Variants in DDX42 observed in about 807,000 individuals in gnomAD.
The protein encoded by DDX42 is ATP-dependent RNA helicase DDX42.
A neutral mutation model predicts 101.5 loss-of-function variants in DDX42; 22 were observed. The observed-to-expected ratio is 0.22, with a 90% confidence interval of 0.15 to 0.31. DDX42 has a LOEUF of 0.31. DDX42 is among the 10% of genes least tolerant of loss of function. The pLI is 1.00. For missense variants in DDX42, 849 were observed against 1,199.9 expected (o/e 0.71, Z 4.32); for synonymous variants, 402 against 401.2 (o/e 1.00, Z -0.02).
rs2039896910 is a variant in DDX42 at position 63,810,496 on chromosome 17, T to C, written c.1253-17T>C. 1 of 1,613,280 alleles carries C rather than the reference T, an allele frequency of 6.2e-7. No homozygotes were observed. Among genetic ancestry groups the C allele is most frequent in the Admixed American group, 1.7e-5 (1 of 59,938 alleles). On this transcript the variant is annotated splice_polypyrimidine_tract_variant and intron_variant, in intron 11 of 17. Transcript: ENST00000389924. The stretch of plus-strand genomic sequence containing the variant: ...GTATTTCAGGTTATAATAATTTTAT[T>C]GTTCTGTTTCTTGCAGAGTACCAAG...
At chr17:63,811,904 A>T (rs777274500) in intron 13 of DDX42, 28 bp from the exon 14 acceptor site, 2 of 1,614,086 alleles carry the variant, frequency 1.2e-6, no homozygotes, top group Non-Finnish European at 1.7e-6. Context: ...CAATGTCACA[A>T]TCATCTGTTT....
At chr17:63,781,842 CTA>C (rs112074798) in intron 1 of DDX42, among the ~76,000 whole-genome samples, 42,161 of 151,446 alleles carry the variant, frequency 0.28, 6,178 homozygotes, top group Middle Eastern at 0.37. Flanking sequence ...AACCCCGTCT[CTA>C]CTAAAAATAC....
intron 2 of DDX42, among the ~76,000 whole-genome samples, chr17:63,791,447 G>T (rs1272319376): frequency 6.6e-6 from 1 of 152,080 alleles, no homozygotes; most frequent in African/African-American, 2.4e-5. Flanking sequence ...GAGTAGCTGG[G>T]ATTACGGGCA....
chr17:63,775,829 T>C (rs1015021612), intron 1 of DDX42, among the ~76,000 whole-genome samples: 55 of 152,226 alleles, frequency 3.6e-4, no homozygotes, highest in Non-Finnish European at 3.7e-4. Flanking sequence ...ATATCTGATT[T>C]ATATTGTAAC....
At chr17:63,809,128 T>C (rs1195868840) in intron 10 of DDX42, among the ~76,000 whole-genome samples, 180 bp downstream of exon 10, 2 of 152,234 alleles carry the variant, frequency 1.3e-5, no homozygotes, top group Admixed American at 1.3e-4. Flanking sequence ...TGAGAGTCTC[T>C]GTGACATATA....
At chr17:63,783,415 T>C (rs936589963) in intron 1 of DDX42, among the ~76,000 whole-genome samples, 1 of 152,216 alleles carries the variant, frequency 6.6e-6, no homozygotes, top group East Asian at 1.9e-4. Context: ...TTATACATTG[T>C]ATACACTAGG....
At position 63,787,080 on chromosome 17, in the gene DDX42, A is replaced by G. The variant is rs1229818192; in HGVS notation, c.31A>G (p.Lys11Glu). 6.2e-7 allele frequency: 1 copy of G among 1,614,092 alleles called. No individual in the cohort carries two copies. The highest frequency in any genetic ancestry group is 1.3e-5 in the African/African-American group (1 of 74,934). Residue 11 changes from lysine to glutamate, a missense_variant, in exon 2 of 18, where the codon AAG (lysine) becomes GAG (glutamate). Physicochemically the swap from Lys to Glu is moderately conservative, Grantham distance 56. This residue lies in a region of DDX42 where 92 missense variants were observed against 106.7 expected (regional missense o/e 0.86). Transcript: ENST00000389924. MNWNKGGPGT[K>E]RGFGFGGFAI... is the part of the protein sequence containing the mutation. ...CTGGAATAAAGGTGGTCCTGGCACTAAGCGAGGATTTGGCTTTGGAGGTTT... is the reference window on the plus strand; with the variant it reads ...CTGGAATAAAGGTGGTCCTGGCACTGAGCGAGGATTTGGCTTTGGAGGTTT...
chr17:63,781,089 CCT>C (rs1160075472), intron 1 of DDX42, among the ~76,000 whole-genome samples: 1 of 152,180 alleles, frequency 6.6e-6, no homozygotes, highest in African/African-American at 2.4e-5. Flanking sequence ...ACTCTTGACT[CCT>C]CTTGACCTAG....
chr17:63,800,662 C>G (rs1244082624), intron 6 of DDX42, 45 bp downstream of exon 6: 1 of 1,594,784 alleles, frequency 6.3e-7, no homozygotes, highest in Non-Finnish European at 8.6e-7. Flanking sequence ...CAAGCTGATG[C>G]TTTACTTCAG....
Position 63,787,223 on chromosome 17 carries a change from T to C in DDX42, c.174T>C (p.Ser58=). ...AGTCAGCTCCACCACAGCTTCCTTC[T>C]TTCTACAAAATTGGATCTAAGCGGG... ...FGKSAPPQLP[S]FYKIGSKRAN... Residue 58 remains serine, a synonymous_variant, in exon 2 of 18, where the codon TCT becomes TCC. Coordinates refer to ENST00000389924, the MANE Select transcript of DDX42 (RefSeq NM_203499.3). 1.2e-6 allele frequency: 2 copies of C among 1,614,228 alleles called. No individual in the cohort carries two copies. The highest frequency in any genetic ancestry group is 1.7e-6 in the Non-Finnish European group (2 of 1,180,030).
At chr17:63,809,707 GT>G (rs750899527) in intron 11 of DDX42, 48 bp downstream of exon 11, 15 of 1,484,664 alleles carry the variant, frequency 1.0e-5, no homozygotes, top group African/African-American at 7.0e-5. Flanking sequence ...CATGATACTA[GT>G]TTTTTTTCCA....
chr17:63,799,530 A>G (rs1419049766), intron 4 of DDX42, 59 bp from the exon 5 acceptor site: 6 of 1,595,926 alleles, frequency 3.8e-6, no homozygotes, highest in African/African-American at 1.3e-5. Flanking sequence ...TGCTGTAAGT[A>G]TGGAGCTGGG....
At chr17:63,815,258 G>T (rs966627042) in intron 15 of DDX42, among the ~76,000 whole-genome samples, 1 of 152,006 alleles carries the variant, frequency 6.6e-6, no homozygotes, top group African/African-American at 2.4e-5. Flanking sequence ...GAAGTTAGAA[G>T]TAGCCAAAGT....
intron 1 of DDX42, among the ~76,000 whole-genome samples, chr17:63,786,776 C>T (rs1194840850): frequency 6.6e-6 from 1 of 152,214 alleles, no homozygotes; most frequent in Non-Finnish European, 1.5e-5. Context: ...CTCTCAGATT[C>T]AAGTGATTCT....
intron 6 of DDX42, among the ~76,000 whole-genome samples, chr17:63,801,710 C>T (rs1402269957): frequency 1.3e-5 from 2 of 152,074 alleles, no homozygotes; most frequent in Admixed American, 6.6e-5. Context: ...CCACCTTGGT[C>T]TCCCAAAGTG....
chr17:63,810,464 CCAAACTGTAT>C, intron 11 of DDX42, 39 bp from the exon 12 acceptor site: 1 of 1,594,456 alleles, frequency 6.3e-7, no homozygotes. Context: ...TCCAGGCTTC[CCAAACTGTAT>C]TTCAGGTTAT....
chr17:63,799,027 A>C (rs2039728458), intron 4 of DDX42, among the ~76,000 whole-genome samples: 1 of 152,282 alleles, frequency 6.6e-6, no homozygotes, highest in Admixed American at 6.5e-5. Context: ...ACATACAGCA[A>C]GTGGTGATGG....
chr17:63,798,144 T>C lies in DDX42; in HGVS notation c.434+45T>C, dbSNP rs758957649. ...CTCACAAAGGTTACGTGAAAACTGC[T>C]GAAGTATTGCAAAGTCTATTCCCCC... On this transcript the variant is annotated intron_variant, in intron 4 of 17. Coordinates refer to ENST00000389924, the MANE Select transcript of DDX42 (RefSeq NM_203499.3). 15 of 1,579,288 alleles carry C rather than the reference T, an allele frequency of 9.5e-6. No homozygotes were observed. The East Asian group carries it at 2.2e-4, about 24-fold the overall frequency.
chr17:63,793,011 T>G (rs1334999703), intron 3 of DDX42, among the ~76,000 whole-genome samples: 1 of 151,894 alleles, frequency 6.6e-6, no homozygotes, highest in East Asian at 1.9e-4. Context: ...CATGACCACC[T>G]CCTTGAAACT....
Sources: gnomAD v4.1 joint callset for allele counts (sites outside exome capture counted in the v4.1 genomes callset) on GRCh38, gnomAD v4.1.1 for gene constraint, gnomAD v4.1.1 regional missense constraint, MANE v1.5 for transcripts, NCBI Gene and HGNC (gene_info 2026-07-23, HGNC 2026-07-21) for gene names.